Variants in OPCML observed in about 807,000 individuals in gnomAD.
The protein encoded by OPCML is opioid-binding protein/cell adhesion molecule.
In OPCML, 13 loss-of-function variants were observed where a neutral mutation model predicts 37.8. The observed-to-expected ratio is 0.34, with a 90% CI of 0.22 to 0.55. OPCML has a LOEUF of 0.55. OPCML is among the 20% of genes least tolerant of loss of function. The probability of loss-of-function intolerance (pLI) is 0.91; values close to 1 mark genes in which losing one functional copy is unlikely to be tolerated. For synonymous variants in OPCML, 176 were observed against 168.8 expected, an observed-to-expected ratio of 1.04 and a Z score of -0.33; for missense variants, 341 against 435.6, an observed-to-expected ratio of 0.78 and a Z score of 1.93.
At chr11:133,214,298 A>G (rs1366331660) in intron 1 of OPCML, among the ~76,000 whole-genome samples, 1 of 152,148 alleles carries the variant, frequency 6.6e-6, no homozygotes, top group East Asian at 1.9e-4. Context: ...TGATAGAAAA[A>G]GCTTTGAAAA....
intron 1 of OPCML, among the ~76,000 whole-genome samples, chr11:133,135,580 A>C (rs781396836): frequency 7.2e-5 from 11 of 151,890 alleles, no homozygotes; most frequent in Middle Eastern, 3.2e-3. Flanking sequence ...ACAATCTCCC[A>C]TAGATATTTA....
intron 1 of OPCML, among the ~76,000 whole-genome samples, chr11:133,155,579 G>A (rs990027052): frequency 3.4e-4 from 52 of 151,908 alleles, no homozygotes; most frequent in Admixed American, 8.5e-4. Flanking sequence ...TACTTCACCC[G>A]CATACCCAGC....
intron 1 of OPCML, among the ~76,000 whole-genome samples, chr11:133,432,400 G>A (rs1946141594): frequency 6.6e-6 from 1 of 152,046 alleles, no homozygotes; most frequent in East Asian, 1.9e-4. Flanking sequence ...GACTTACTGT[G>A]TTAATCGGAT....
intron 1 of OPCML, among the ~76,000 whole-genome samples, chr11:133,285,775 A>G (rs1942277843): frequency 6.6e-6 from 1 of 152,224 alleles, no homozygotes; most frequent in South Asian, 2.1e-4. Context: ...GCCATTTTGT[A>G]GAATCTCTCC....
At chr11:132,739,754 CT>C in intron 2 of OPCML, among the ~76,000 whole-genome samples, 1 of 152,284 alleles carries the variant, frequency 6.6e-6, no homozygotes, top group African/African-American at 2.4e-5. Context: ...ATGATGTTAT[CT>C]CTCAAATGTA....
At chr11:133,179,355 G>A (rs113236930) in intron 1 of OPCML, among the ~76,000 whole-genome samples, 1 of 152,154 alleles carries the variant, frequency 6.6e-6, no homozygotes, top group Admixed American at 6.5e-5. Context: ...CATTTCAGGG[G>A]ATAGGCAGGT....
At chr11:132,632,602 G>C (rs995375404) in intron 3 of OPCML, among the ~76,000 whole-genome samples, 1 of 151,966 alleles carries the variant, frequency 6.6e-6, no homozygotes, top group Admixed American at 6.5e-5. Context: ...CAGAGGAGTC[G>C]CTTCCTGAGT....
intron 7 of OPCML, among the ~76,000 whole-genome samples, chr11:132,423,958 G>T (rs1416457693): frequency 2.0e-5 from 3 of 152,118 alleles, no homozygotes; most frequent in South Asian, 2.1e-4. Context: ...GCATGGCCTC[G>T]GCTGGTAACA....
At position 132,495,780 on chromosome 11, in the gene OPCML, G is replaced by A. The variant is rs183849076; in HGVS notation, c.505+33281C>T. ...TGTAGTGGCGGGCGCCTGTGGTCCC[G>A]GCTACTCAGGAGGCTGAGGTGGGAG... On this transcript the variant is annotated intron_variant, in intron 4 of 7. Transcript: ENST00000524381. 7.8e-3 allele frequency among the ~76,000 whole-genome samples: 1,184 copies of A among 151,344 alleles called. 11 individuals carry two copies. The highest frequency in any genetic ancestry group is 0.027 in the African/African-American group (1,114 of 41,232).
At chr11:133,307,983 A>C (rs1281144984) in intron 1 of OPCML, among the ~76,000 whole-genome samples, 1 of 152,018 alleles carries the variant, frequency 6.6e-6, no homozygotes, top group Non-Finnish European at 1.5e-5. Context: ...AATCATGTTT[A>C]GTGTAAGAGC....
chr11:132,809,494 C>T (rs1291343498), intron 2 of OPCML, among the ~76,000 whole-genome samples: 2 of 152,116 alleles, frequency 1.3e-5, no homozygotes, highest in Non-Finnish European at 2.9e-5. Context: ...GTGTACGGAG[C>T]TTATTTTTAA....
chr11:132,718,912 C>A (rs11823727), intron 2 of OPCML, among the ~76,000 whole-genome samples: 4 of 152,206 alleles, frequency 2.6e-5, no homozygotes, highest in African/African-American at 9.6e-5. Context: ...TAGGGCTCCT[C>A]GCCAGATCTC....
chr11:133,277,189 C>A (rs547128572), intron 1 of OPCML, among the ~76,000 whole-genome samples: 1 of 152,148 alleles, frequency 6.6e-6, no homozygotes, highest in African/African-American at 2.4e-5. Flanking sequence ...ATATGTGTCA[C>A]GTCCAGCCAT....
At chr11:132,868,670 G>A (rs1326589102) in intron 2 of OPCML, among the ~76,000 whole-genome samples, 1 of 152,126 alleles carries the variant, frequency 6.6e-6, no homozygotes, top group African/African-American at 2.4e-5. Flanking sequence ...GTTTCTCTCA[G>A]CCTCTAGCAC....
chr11:133,258,712 G>A (rs955605500), intron 1 of OPCML, among the ~76,000 whole-genome samples: 3 of 152,100 alleles, frequency 2.0e-5, no homozygotes, highest in Non-Finnish European at 4.4e-5. Context: ...AGGTCACTCT[G>A]TCACCGTGGC....
At chr11:132,972,965 T>A (rs1218350603) in intron 1 of OPCML, among the ~76,000 whole-genome samples, 1 of 152,180 alleles carries the variant, frequency 6.6e-6, no homozygotes, top group Admixed American at 6.5e-5. Flanking sequence ...AGCCTGAGTG[T>A]ACACAGGTCT....
chr11:132,585,855 G>A lies in OPCML; in HGVS notation c.380-56669C>T, dbSNP rs146814582. ...AGAATCCATTGCAGGAAACAGAGCTGGCAAAGATTTCAATAGAAATTCCTT... is the reference window on the plus strand; with the variant it reads ...AGAATCCATTGCAGGAAACAGAGCTAGCAAAGATTTCAATAGAAATTCCTT... On this transcript the variant is annotated intron_variant, in intron 3 of 7. Coordinates refer to ENST00000524381, the MANE Select transcript of OPCML (RefSeq NM_001012393.5). 1.2e-3 allele frequency among the ~76,000 whole-genome samples: 181 copies of A among 152,262 alleles called. 2 individuals carry two copies. In the East Asian group the frequency reaches 0.031, roughly 26 times the overall value.
At chr11:132,745,580 A>AAG (rs1555183230) in intron 2 of OPCML, among the ~76,000 whole-genome samples, 14 of 87,580 alleles carry the variant, frequency 1.6e-4, no homozygotes, top group Non-Finnish European at 2.1e-4. Flanking sequence ...AAAAAAAAAA[A>AAG]AAAGAAAGAA....
At chr11:132,643,467 C>T (rs766088305) in intron 3 of OPCML, among the ~76,000 whole-genome samples, 9 of 152,166 alleles carry the variant, frequency 5.9e-5, no homozygotes, top group African/African-American at 9.7e-5. Flanking sequence ...TGGCTCTGCT[C>T]TTTGATTTTC....
Sources: allele counts gnomAD v4.1 joint callset (sites outside exome capture counted in the v4.1 genomes callset), GRCh38; gene constraint gnomAD v4.1.1; transcripts MANE v1.5; gene names NCBI Gene and HGNC (gene_info 2026-07-23, HGNC 2026-07-21).